SLC9A6: variants seen among roughly 807,000 people sequenced by gnomAD.
The protein encoded by SLC9A6 is sodium/hydrogen exchanger 6.
A neutral mutation model predicts 45.3 loss-of-function variants in SLC9A6; 6 were observed. The ratio of observed to expected loss-of-function variants is 0.13; its 90% CI spans 0.07 to 0.26. The LOEUF (loss-of-function observed/expected upper bound fraction) is 0.26. SLC9A6 is among the 10% of genes least tolerant of loss of function. SLC9A6 has a pLI of 1.00. For missense variants in SLC9A6, 278 were observed against 503.7 expected (o/e 0.55, Z 4.29); for synonymous variants, 191 against 187.7 (o/e 1.02, Z -0.14).
intron 5 of SLC9A6, 33 bp downstream of exon 5, chrX:135,998,591 C>T: frequency 1.0e-6 from 1 of 954,005 alleles, no homozygotes; most frequent in Non-Finnish European, 1.5e-6. Context: ...ACTTTGTGGC[C>T]TTCAAATTAT....
intron 5 of SLC9A6, 64 bp from the exon 6 acceptor site, chrX:135,998,792 C>A: frequency 1.2e-6 from 1 of 843,406 alleles, no homozygotes; most frequent in Non-Finnish European, 1.8e-6. Context: ...CATCTTCTTA[C>A]TTTATCCTAA....
chrX:135,994,353 C>T (rs2089471150), intron 2 of SLC9A6, among the ~76,000 whole-genome samples: 1 of 110,834 alleles, frequency 9.0e-6, no homozygotes. Context: ...GCAATCCACC[C>T]ATCTCGGCCT....
chrX:135,985,017 C>T (rs781826592), upstream of SLC9A6: 2 of 109,796 alleles, frequency 1.8e-5, no homozygotes, highest in Admixed American at 2.0e-4. Flanking sequence ...TTTTCTTTCC[C>T]GATGAGGACA....
chrX:136,035,942 T>C (rs782355264), intron 16 of SLC9A6, among the ~76,000 whole-genome samples: 2 of 103,767 alleles, frequency 1.9e-5, no homozygotes, highest in African/African-American at 7.1e-5. Context: ...TTTTTCTCAA[T>C]GTAGAGACAT....
At chrX:136,040,993 C>T (rs1024607294) in intron 17 of SLC9A6, among the ~76,000 whole-genome samples, 3 of 110,687 alleles carry the variant, frequency 2.7e-5, no homozygotes, top group Non-Finnish European at 3.8e-5. Flanking sequence ...CAGTGGCGTG[C>T]ACCTGTAATC....
chrX:135,984,458 T>C (rs1454814259), upstream of SLC9A6, among the ~76,000 whole-genome samples: 1 of 111,582 alleles, frequency 9.0e-6, no homozygotes, highest in Non-Finnish European at 1.9e-5. Flanking sequence ...CATGTTGAAA[T>C]CAAAGTCTTG....
At chrX:136,009,661 C>G (rs2070881557) in intron 7 of SLC9A6, among the ~76,000 whole-genome samples, 1 of 112,395 alleles carries the variant, frequency 8.9e-6, no homozygotes, top group African/African-American at 3.2e-5. Context: ...CAGCAATTTT[C>G]TCAGGCATTT....
chrX:136,042,593 C>T (rs1447013004), intron 17 of SLC9A6, among the ~76,000 whole-genome samples: 5 of 112,245 alleles, frequency 4.5e-5, no homozygotes, highest in Non-Finnish European at 9.4e-5. Flanking sequence ...ATCAAAGTTG[C>T]CTTCCTCCTA....
chrX:135,979,037 T>C (rs1165003467), intron 1 of SLC9A6, among the ~76,000 whole-genome samples: 1 of 110,924 alleles, frequency 9.0e-6, no homozygotes, highest in Non-Finnish European at 1.9e-5. Context: ...TGTAAACCCC[T>C]AGTTTTAGTC....
chrX:136,017,260 T>C (rs1390212247), intron 11 of SLC9A6, among the ~76,000 whole-genome samples: 1 of 108,542 alleles, frequency 9.2e-6, no homozygotes, highest in African/African-American at 3.4e-5. Flanking sequence ...ACAAACAAAA[T>C]TTTAAAAACT....
upstream of SLC9A6, among the ~76,000 whole-genome samples, chrX:135,974,335 G>A (rs868950077): frequency 2.1e-3 from 28 of 13,142 alleles, 1 homozygote; most frequent in Non-Finnish European, 2.8e-3. Context: ...CGGGGCCTAC[G>A]GGAGGATGGG....
intron 7 of SLC9A6, among the ~76,000 whole-genome samples, chrX:136,009,263 T>TA (rs1469917671): frequency 1.8e-5 from 2 of 112,090 alleles, no homozygotes; most frequent in Admixed American, 9.5e-5. Flanking sequence ...CATTTAAACG[T>TA]AAATGTTTAA....
At position 135,990,232 on chromosome X, in the gene SLC9A6, C is replaced by T. The variant is rs182050195; in HGVS notation, c.169+4405C>T. Among the ~76,000 whole-genome samples, 366 of 111,635 alleles carry T rather than the reference C, an allele frequency of 3.3e-3. 2 individuals are homozygous for T. The highest frequency in any genetic ancestry group is 9.0e-3 in the African/African-American group (277 of 30,741). ...CGATCTCCTGACCTTGTGATCCACCCACCTCGGCCTCCCAAAGTGCTGGGA... is the reference window on the plus strand; with the variant it reads ...CGATCTCCTGACCTTGTGATCCACCTACCTCGGCCTCCCAAAGTGCTGGGA... On this transcript the variant is annotated intron_variant, in intron 2 of 17. Coordinates refer to ENST00000630721, the MANE Select transcript of SLC9A6 (RefSeq NM_001379110.1).
At position 136,020,928 on chromosome X, in the gene SLC9A6, G is replaced by A. The variant is rs1374257304; in HGVS notation, c.1195-1658G>A. On this transcript the variant is annotated intron_variant, in intron 11 of 17. Transcript: ENST00000630721. ...GATGCTTCAGGCTCATCTTGTATCT[G>A]TTCTGGCTCAGCCCAAGAATTGGCC... Among the ~76,000 whole-genome samples the A allele has an allele frequency of 2.8e-5, 3 of 106,131 alleles. 1 individual carries two copies. The highest frequency in any genetic ancestry group is 8.5e-4 in the South Asian group (2 of 2,364). 92.2% of individuals were successfully genotyped at this position (106,131 alleles called of 115,157 possible). A position where few individuals can be genotyped will look rare whatever the true frequency, so the allele number is the denominator to read the frequency against.
At chrX:135,992,575 C>T (rs1269931803) in intron 2 of SLC9A6, among the ~76,000 whole-genome samples, 2 of 111,941 alleles carry the variant, frequency 1.8e-5, no homozygotes, top group African/African-American at 6.5e-5. Flanking sequence ...CTACTTGATT[C>T]ACTGGATGGG....
At chrX:135,991,729 T>C (rs1603191880) in intron 2 of SLC9A6, among the ~76,000 whole-genome samples, 1 of 111,464 alleles carries the variant, frequency 9.0e-6, no homozygotes, top group Middle Eastern at 4.6e-3. Flanking sequence ...TACTATAGCA[T>C]TTGATAGTTT....
intron 6 of SLC9A6, among the ~76,000 whole-genome samples, chrX:136,000,042 G>A (rs1283020928): frequency 9.2e-6 from 1 of 108,589 alleles, no homozygotes; most frequent in Non-Finnish European, 1.9e-5. Context: ...GAGACTGTGA[G>A]TTCGAGACCA....
chrX:136,017,424 AAAAAAACC>A (rs782008338), intron 11 of SLC9A6, among the ~76,000 whole-genome samples: 19 of 109,780 alleles, frequency 1.7e-4, no homozygotes, highest in East Asian at 1.4e-3. Flanking sequence ...TCTCAAAAAA[AAAAAAACC>A]AAAAAACCAA....
At chrX:136,005,637 C>A (rs1476047634) in intron 7 of SLC9A6, among the ~76,000 whole-genome samples, 1 of 102,942 alleles carries the variant, frequency 9.7e-6, no homozygotes, top group Non-Finnish European at 2.0e-5. Flanking sequence ...CCTGAGATCT[C>A]GGCACTGCCC....
Sources: allele counts gnomAD v4.1 joint callset (sites outside exome capture counted in the v4.1 genomes callset), GRCh38; gene constraint gnomAD v4.1.1; transcripts MANE v1.5; gene names NCBI Gene and HGNC (gene_info 2026-07-23, HGNC 2026-07-21).